Variants in MAST4 observed in about 807,000 individuals in gnomAD.
The protein encoded by MAST4 is microtubule-associated serine/threonine-protein kinase 4.
A neutral mutation model predicts 162.7 loss-of-function variants in MAST4; 89 were observed. That is an observed-to-expected ratio of 0.55 (90% confidence interval 0.46 to 0.65). The LOEUF is 0.65. Among genes scored for constraint, MAST4 ranks in the 30% least tolerant of loss-of-function variants. The pLI is 0.00. For synonymous variants in MAST4, 1,479 were observed against 1,361.1 expected (o/e 1.09, Z -1.91); for missense variants, 3,153 against 3,374.0 (o/e 0.93, Z 1.62).
intron 4 of MAST4, among the ~76,000 whole-genome samples, chr5:66,906,551 A>G (rs1181694125): frequency 1.3e-5 from 2 of 152,122 alleles, no homozygotes; most frequent in Non-Finnish European, 1.5e-5. Context: ...AAACACATCT[A>G]CCACATGTCA....
intron 1 of MAST4, among the ~76,000 whole-genome samples, chr5:66,614,942 T>C (rs1740776563): frequency 1.3e-5 from 2 of 152,212 alleles, no homozygotes; most frequent in Non-Finnish European, 2.9e-5. Context: ...TAATCTTTTT[T>C]GGGCTGTTAA....
In MAST4 at chr5:66,682,995, C is replaced by T. The variant is rs138560921; in HGVS notation, c.364-76714C>T. Reference sequence around the variant, plus strand: ...AACCCTGGATAGAATAAAGGGCAGGCGAAGGGGTGGTGGGGCCTTTGAAGG... The same window carrying T: ...AACCCTGGATAGAATAAAGGGCAGGTGAAGGGGTGGTGGGGCCTTTGAAGG... On this transcript the variant is annotated intron_variant, in intron 1 of 28. Transcript: ENST00000403625. Among the ~76,000 whole-genome samples, 551 of 152,204 alleles carry T rather than the reference C, an allele frequency of 3.6e-3. 3 individuals carry two copies. The highest frequency in any genetic ancestry group is 0.012 in the African/African-American group (495 of 41,526).
chr5:67,067,121 A>G (rs1760340486), intron 5 of MAST4, among the ~76,000 whole-genome samples: 1 of 152,240 alleles, frequency 6.6e-6, no homozygotes, highest in South Asian at 2.1e-4. Flanking sequence ...ATTGAGGACT[A>G]TACTTTAGTG....
rs577346315 is a variant in MAST4 at position 66,733,114 on chromosome 5, C to T, written c.364-26595C>T. Among the ~76,000 whole-genome samples the T allele has an allele frequency of 4.6e-5, 7 of 152,298 alleles. No homozygotes were observed. The East Asian group carries it at 9.7e-4, about 21-fold the overall frequency. ...CATTCTCCAGAGCTACCAGGCAAAT[C>T]TGTCCCAACCTTTGCTTTAAACAAA... On this transcript the variant is annotated intron_variant, in intron 1 of 28. Coordinates refer to ENST00000403625, the MANE Select transcript of MAST4 (RefSeq NM_001164664.2).
chr5:67,072,427 A>T (rs1383422429), intron 5 of MAST4, among the ~76,000 whole-genome samples: 1 of 152,228 alleles, frequency 6.6e-6, no homozygotes, highest in Non-Finnish European at 1.5e-5. Context: ...AAAGACATCT[A>T]ATTTAGACTA....
chr5:66,655,624 G>T (rs1746496538), intron 1 of MAST4, among the ~76,000 whole-genome samples: 1 of 152,184 alleles, frequency 6.6e-6, no homozygotes, highest in African/African-American at 2.4e-5. Flanking sequence ...CCTGAGGAGA[G>T]AATACAAAGA....
intron 4 of MAST4, among the ~76,000 whole-genome samples, chr5:66,992,156 A>T (rs1218474022): frequency 6.6e-6 from 1 of 152,174 alleles, no homozygotes; most frequent in African/African-American, 2.4e-5. Flanking sequence ...TATGATTGCA[A>T]TCGTAATACA....
rs553604418 is a variant in MAST4, at chr5:66,646,248, A to T, written c.363+49230A>T. 1.7e-3 allele frequency among the ~76,000 whole-genome samples: 219 copies of T among 130,368 alleles called. 2 individuals are homozygous for T. The highest frequency in any genetic ancestry group is 7.7e-3 in the East Asian group (36 of 4,662). 85.5% of individuals were successfully genotyped at this position (130,368 alleles called of 152,430 possible). On this transcript the variant is annotated intron_variant, in intron 1 of 28. Coordinates refer to ENST00000403625, the MANE Select transcript of MAST4 (RefSeq NM_001164664.2). Reference sequence around the variant, plus strand: ...TTAATCATTATTAATGGATATATTTAAAAAAATGTTTTATGGTAAATCATT... The same window carrying T: ...TTAATCATTATTAATGGATATATTTTAAAAAATGTTTTATGGTAAATCATT...
chr5:66,948,259 A>C (rs892320433), intron 4 of MAST4, among the ~76,000 whole-genome samples: 4 of 152,162 alleles, frequency 2.6e-5, no homozygotes, highest in Admixed American at 2.6e-4. Flanking sequence ...CAAAGGACCA[A>C]AGTTGGAGTG....
At chr5:66,859,722 T>C (rs258090) in intron 3 of MAST4, among the ~76,000 whole-genome samples, 39,858 of 152,076 alleles carry the variant, frequency 0.26, 5,280 homozygotes, top group East Asian at 0.33. Flanking sequence ...GTGATTTAAA[T>C]ACAAGAGGAA....
Position 66,639,514 on chromosome 5 carries a change from T to TC in MAST4, c.363+42496_363+42497insC, listed in dbSNP as rs143287299. ...AACTATATTGAGAAAGTGGTGTAAC[T>TC]ATGTTCGGTGAAACTGTATCAAATG... On this transcript the variant is annotated intron_variant, in intron 1 of 28. Transcript: ENST00000403625. 2.9e-3 allele frequency among the ~76,000 whole-genome samples: 441 copies of TC among 152,284 alleles called. 3 individuals are homozygous for TC. The highest frequency in any genetic ancestry group is 0.01 in the African/African-American group (427 of 41,568).
chr5:67,034,717 C>A (rs1755795062), intron 4 of MAST4, among the ~76,000 whole-genome samples: 1 of 151,850 alleles, frequency 6.6e-6, no homozygotes, highest in Admixed American at 6.6e-5. Flanking sequence ...TAATCACTGC[C>A]CAAATATAAA....
intron 1 of MAST4, among the ~76,000 whole-genome samples, chr5:66,727,863 G>C (rs1751616872): frequency 6.6e-6 from 1 of 152,066 alleles, no homozygotes; most frequent in African/African-American, 2.4e-5. Context: ...CTGTGGTCAT[G>C]GGTCACTGTC....
At chr5:67,062,857 T>C (rs1759792268) in intron 5 of MAST4, among the ~76,000 whole-genome samples, 2 of 152,214 alleles carry the variant, frequency 1.3e-5, no homozygotes, top group Admixed American at 1.3e-4. Flanking sequence ...TGTAAAACCT[T>C]ATCTTCAGTT....
At chr5:67,006,429 A>G (rs1752041241) in intron 4 of MAST4, among the ~76,000 whole-genome samples, 1 of 152,222 alleles carries the variant, frequency 6.6e-6, no homozygotes, top group South Asian at 2.1e-4. Flanking sequence ...CTCCAAGACA[A>G]CTAATAAAGT....
intron 3 of MAST4, among the ~76,000 whole-genome samples, chr5:66,837,895 T>TATATATATATATATA (rs70987141): frequency 5.1e-4 from 8 of 15,710 alleles, no homozygotes; most frequent in African/African-American, 1.5e-3. Flanking sequence ...TATATATATA[T>TATATATATATATATA]TTTTTTTTTT....
rs550173448 is a variant in MAST4, at chr5:67,060,704, C to G, written c.763+6212C>G. 4.5e-4 allele frequency among the ~76,000 whole-genome samples: 69 copies of G among 152,142 alleles called. No homozygotes were observed. In the South Asian group the frequency reaches 0.014, roughly 31 times the overall value. On this transcript the variant is annotated intron_variant, in intron 5 of 28. Coordinates refer to ENST00000403625, the MANE Select transcript of MAST4 (RefSeq NM_001164664.2). Reference sequence around the variant, plus strand: ...ATGTTACCCAGGATGGTCTCGATCTCCTGACCTCGTGATCCACCTGCCTCG... The same window carrying G: ...ATGTTACCCAGGATGGTCTCGATCTGCTGACCTCGTGATCCACCTGCCTCG...
rs116564293 is a variant in MAST4 at position 67,073,454 on chromosome 5, G to A, written c.764-16708G>A. Reference sequence around the variant, plus strand: ...CATCAGCCCTGCAGAGGCAGGACTCGGCTCACGATATGGGAAATTCCTCTT... The same window carrying A: ...CATCAGCCCTGCAGAGGCAGGACTCAGCTCACGATATGGGAAATTCCTCTT... On this transcript the variant is annotated intron_variant, in intron 5 of 28. Coordinates refer to ENST00000403625, the MANE Select transcript of MAST4 (RefSeq NM_001164664.2). Among the ~76,000 whole-genome samples, 1,217 of 152,294 alleles carry A rather than the reference G, an allele frequency of 8.0e-3. 19 individuals carry two copies. The highest frequency in any genetic ancestry group is 0.028 in the African/African-American group (1,148 of 41,556).
chr5:66,900,978 C>T (rs921629160), intron 4 of MAST4, among the ~76,000 whole-genome samples: 4 of 152,102 alleles, frequency 2.6e-5, no homozygotes, highest in African/African-American at 7.2e-5. Context: ...TAAATTGTCA[C>T]TAGCTTTCAG....
Sources: gnomAD v4.1 joint callset for allele counts (sites outside exome capture counted in the v4.1 genomes callset) on GRCh38, gnomAD v4.1.1 for gene constraint, MANE v1.5 for transcripts, NCBI Gene and HGNC (gene_info 2026-07-23, HGNC 2026-07-21) for gene names.